CPNE8: variants seen among roughly 807,000 people sequenced by gnomAD.
CPNE8 encodes the protein copine-8.
A neutral mutation model predicts 81.5 loss-of-function variants in CPNE8; 45 were observed. The ratio of observed to expected loss-of-function variants is 0.55; its 90% CI spans 0.44 to 0.71. The LOEUF is 0.71. Among genes scored for constraint, CPNE8 ranks in the 30% least tolerant of loss-of-function variants. The probability of loss-of-function intolerance (pLI) is 0.00; values close to 1 mark genes in which losing one functional copy is unlikely to be tolerated. For synonymous variants in CPNE8, 252 were observed against 226.3 expected, an observed-to-expected ratio of 1.11 and a Z score of -1.02; for missense variants, 594 against 672.1, an observed-to-expected ratio of 0.88 and a Z score of 1.28.
intron 10 of CPNE8, among the ~76,000 whole-genome samples, chr12:38,739,635 TTTTCACCCCC>T (rs1475382491): frequency 6.6e-6 from 1 of 152,148 alleles, no homozygotes; most frequent in Admixed American, 6.6e-5. Flanking sequence ...CTAATAATTT[TTTTCACCCCC>T]TCAAAACCAT....
chr12:38,785,323 T>C (rs1448821072), intron 6 of CPNE8, among the ~76,000 whole-genome samples: 4 of 151,408 alleles, frequency 2.6e-5, no homozygotes, highest in African/African-American at 9.7e-5. Flanking sequence ...GTGTGTAAAA[T>C]AATCTTAAGT....
intron 10 of CPNE8, among the ~76,000 whole-genome samples, chr12:38,753,938 A>C (rs144229261): frequency 6.6e-6 from 1 of 152,330 alleles, no homozygotes; most frequent in Non-Finnish European, 1.5e-5. Flanking sequence ...GGGGTCTTGG[A>C]ACATATTCCC....
At chr12:38,660,933 G>A (rs1011861537) in intron 19 of CPNE8, among the ~76,000 whole-genome samples, 1 of 152,152 alleles carries the variant, frequency 6.6e-6, no homozygotes, top group African/African-American at 2.4e-5. Context: ...AGTTAGAATG[G>A]CAATCATTAA....
intron 3 of CPNE8, among the ~76,000 whole-genome samples, chr12:38,868,421 ATACT>A (rs1943946230): frequency 6.6e-6 from 1 of 152,162 alleles, no homozygotes; most frequent in Non-Finnish European, 1.5e-5. Flanking sequence ...GCTACTTTTC[ATACT>A]TATAAAATAG....
chr12:38,669,911 A>T (rs1939135285), intron 19 of CPNE8, among the ~76,000 whole-genome samples: 1 of 152,122 alleles, frequency 6.6e-6, no homozygotes. Flanking sequence ...CTCCCAGGTA[A>T]GCACAACAAA....
At chr12:38,906,335 G>C, upstream of CPNE8, 1 of 985,576 alleles carries the variant, frequency 1.0e-6, no homozygotes, top group Non-Finnish European at 1.2e-6. Flanking sequence ...GTGGGGGCGG[G>C]GGGGCGGACT....
intron 5 of CPNE8, among the ~76,000 whole-genome samples, chr12:38,832,758 T>G (rs977773771): frequency 2.6e-5 from 4 of 152,146 alleles, no homozygotes; most frequent in African/African-American, 9.7e-5. Context: ...CTCGAACTCC[T>G]GAGCTCAGGT....
rs879634348 is a variant in CPNE8, at chr12:38,742,708, AAAT to A, written c.723-12353_723-12351del. Among the ~76,000 whole-genome samples the A allele has an allele frequency of 1.1e-3, 165 of 145,182 alleles. 1 individual carries two copies. Among genetic ancestry groups the A allele is most frequent in the South Asian group, 7.7e-3 (34 of 4,432 alleles). ...TAAATAAATAAATAAATAAATAAATAAATATAAAACATAAACCATAGGAAGAAT... is the reference window on the plus strand; with the variant it reads ...TAAATAAATAAATAAATAAATAAATAATAAAACATAAACCATAGGAAGAAT... On this transcript the variant is annotated intron_variant, in intron 10 of 19. Coordinates refer to ENST00000331366, the MANE Select transcript of CPNE8 (RefSeq NM_153634.3).
At chr12:38,699,403 T>C (rs1939878332) in intron 14 of CPNE8, among the ~76,000 whole-genome samples, 2 of 152,362 alleles carry the variant, frequency 1.3e-5, no homozygotes, top group Non-Finnish European at 2.9e-5. Context: ...TGCATTTATA[T>C]TGTTATGTGC....
chr12:38,771,230 G>T (rs1444089690), intron 7 of CPNE8, among the ~76,000 whole-genome samples: 1 of 151,964 alleles, frequency 6.6e-6, no homozygotes, highest in African/African-American at 2.4e-5. Flanking sequence ...AGGGCAAGGG[G>T]GGCTTGGATC....
At chr12:38,768,167 G>C (rs1229052513) in intron 7 of CPNE8, among the ~76,000 whole-genome samples, 1 of 151,240 alleles carries the variant, frequency 6.6e-6, no homozygotes. Flanking sequence ...AGATGTACTA[G>C]ATGATTAGAT....
chr12:38,654,931 A>G (rs558800642), intron 19 of CPNE8, among the ~76,000 whole-genome samples: 1 of 152,326 alleles, frequency 6.6e-6, no homozygotes, highest in Non-Finnish European at 1.5e-5. Flanking sequence ...CGCATGGACT[A>G]TGAATATAGA....
At chr12:38,852,192 C>T (rs1184782085) in intron 3 of CPNE8, among the ~76,000 whole-genome samples, 1 of 152,066 alleles carries the variant, frequency 6.6e-6, no homozygotes, top group Non-Finnish European at 1.5e-5. Context: ...CTTTGGGAGG[C>T]CAAGGTGGGC....
chr12:38,703,537 G>T (rs1484222515), intron 13 of CPNE8, among the ~76,000 whole-genome samples: 1 of 152,056 alleles, frequency 6.6e-6, no homozygotes, highest in Non-Finnish European at 1.5e-5. Flanking sequence ...ATCCTCTTGA[G>T]AACTGGAACA....
intron 6 of CPNE8, among the ~76,000 whole-genome samples, chr12:38,800,135 C>T (rs986995753): frequency 8.2e-6 from 1 of 121,546 alleles, no homozygotes; most frequent in Admixed American, 8.9e-5. Flanking sequence ...CCAGGAAGCT[C>T]GAACTGGGTG....
chr12:38,815,719 T>C (rs1943013399), intron 6 of CPNE8, among the ~76,000 whole-genome samples: 1 of 152,198 alleles, frequency 6.6e-6, no homozygotes, highest in African/African-American at 2.4e-5. Context: ...ACCCGGTAAT[T>C]TTTAACATAG....
chr12:38,802,807 A>C (rs1942708966), intron 6 of CPNE8, among the ~76,000 whole-genome samples: 1 of 139,448 alleles, frequency 7.2e-6, no homozygotes. Flanking sequence ...AGACACAATA[A>C]AAAATGATAA....
chr12:38,903,070 C>A (rs1027633503), intron 1 of CPNE8, among the ~76,000 whole-genome samples: 8 of 152,160 alleles, frequency 5.3e-5, no homozygotes, highest in Non-Finnish European at 8.8e-5. Context: ...CAAGATCCAA[C>A]AATACTCAAA....
chr12:38,724,973 T>A, intron 11 of CPNE8, 74 bp from the exon 12 acceptor site: 1 of 1,304,168 alleles, frequency 7.7e-7, no homozygotes, highest in Non-Finnish European at 1.1e-6. Context: ...TTTAAAAATG[T>A]GAAGTTTAAC....
Sources: gnomAD v4.1 joint callset for allele counts (sites outside exome capture counted in the v4.1 genomes callset) on GRCh38, gnomAD v4.1.1 for gene constraint, MANE v1.5 for transcripts, NCBI Gene and HGNC (gene_info 2026-07-23, HGNC 2026-07-21) for gene names.